Variants in NFATC2 observed in about 807,000 individuals in gnomAD.
NFATC2 encodes the protein nuclear factor of activated T-cells, cytoplasmic 2.
In NFATC2, 22 loss-of-function variants were observed where a neutral mutation model predicts 87.3. The ratio of observed to expected loss-of-function variants is 0.25; its 90% CI spans 0.18 to 0.36. NFATC2 has a LOEUF of 0.36. Ranked by LOEUF, NFATC2 falls within the 10% of genes least tolerant of loss-of-function variation. NFATC2 has a pLI of 1.00. For synonymous variants in NFATC2, 565 were observed against 542.2 expected, an observed-to-expected ratio of 1.04 and a Z score of -0.58; for missense variants, 1,149 against 1,259.1, an observed-to-expected ratio of 0.91 and a Z score of 1.32.
chr20:51,513,676 C>A (rs2076306961), intron 3 of NFATC2, among the ~76,000 whole-genome samples: 1 of 152,224 alleles, frequency 6.6e-6, no homozygotes, highest in Non-Finnish European at 1.5e-5. Flanking sequence ...CTGAGCCTCA[C>A]TCCTCATGCA....
Position 51,524,703 on chromosome 20 carries a change from A to G in NFATC2, c.131-593T>C, listed in dbSNP as rs2076515116. On this transcript the variant is annotated intron_variant, in intron 1 of 10. Transcript: ENST00000371564. This position sits in a 1 kb window ranked among gnomAD's most constrained non-coding sequence, Gnocchi z 4.0. ...ACAGTGCCCTGGGCTTCAATCCCAG[A>G]TTTCACACCAAGTACAAGAAGTGGC... 6.6e-6 allele frequency among the ~76,000 whole-genome samples: 1 copy of G among 152,098 alleles called. No homozygotes were observed. The highest frequency in any genetic ancestry group is 1.5e-5 in the Non-Finnish European group (1 of 68,026).
chr20:51,410,230 C>T (rs116810009), intron 9 of NFATC2, among the ~76,000 whole-genome samples: 4,040 of 113,776 alleles, frequency 0.036, 200 homozygotes, highest in African/African-American at 0.13. Flanking sequence ...AAAAAAAAAG[C>T]GAAATATTAG....
At chr20:51,474,292 C>A in intron 4 of NFATC2, 140 bp from the exon 5 acceptor site, 1 of 978,362 alleles carries the variant, frequency 1.0e-6, no homozygotes, top group East Asian at 2.6e-5. Flanking sequence ...GGAATGTATA[C>A]CAAGATGGGG....
At chr20:51,517,718 ACCAGCCTGGCCAACATGGC>A (rs2076376289) in intron 2 of NFATC2, among the ~76,000 whole-genome samples, 1 of 152,038 alleles carries the variant, frequency 6.6e-6, no homozygotes, top group East Asian at 1.9e-4. Flanking sequence ...GGAGTTCGAG[ACCAGCCTGGCCAACATGGC>A]GAAACCCTGT....
At chr20:51,408,664 T>A (rs1352172761) in intron 9 of NFATC2, among the ~76,000 whole-genome samples, 1 of 152,070 alleles carries the variant, frequency 6.6e-6, no homozygotes, top group Non-Finnish European at 1.5e-5. Flanking sequence ...GAACCTTCCC[T>A]CATACTGGAC....
At chr20:51,426,267 T>C (rs1181076551) in intron 9 of NFATC2, among the ~76,000 whole-genome samples, 1 of 152,080 alleles carries the variant, frequency 6.6e-6, no homozygotes, top group Non-Finnish European at 1.5e-5. Flanking sequence ...TCACCTGAGG[T>C]CAGGAGTTCG....
intron 5 of NFATC2, among the ~76,000 whole-genome samples, chr20:51,473,120 G>A (rs972033152): frequency 6.6e-6 from 1 of 152,170 alleles, no homozygotes; most frequent in Non-Finnish European, 1.5e-5. Flanking sequence ...CCAGGTTTCT[G>A]CTCAGTGTCC....
rs529732294 is a variant in NFATC2 at position 51,524,820 on chromosome 20, G to A, written c.131-710C>T. Among the ~76,000 whole-genome samples, 5 of 152,260 alleles carry A rather than the reference G, an allele frequency of 3.3e-5. No individual in the cohort carries two copies. The highest frequency in any genetic ancestry group is 1.3e-4 in the Admixed American group (2 of 15,302). On this transcript the variant is annotated intron_variant, in intron 1 of 10. Transcript: ENST00000371564. This position sits in a 1 kb window ranked among gnomAD's most constrained non-coding sequence, Gnocchi z 4.0. ...GCCCAGAGCGGGGAAAAGGCCCACC[G>A]AAAGATACGGAATTAGCAGGCTTAA...
intron 1 of NFATC2, among the ~76,000 whole-genome samples, chr20:51,560,523 T>C (rs1473689306): frequency 6.6e-6 from 1 of 152,218 alleles, no homozygotes; most frequent in African/African-American, 2.4e-5. Flanking sequence ...ATTTCTCTTC[T>C]CTATTTAACG....
In NFATC2 at chr20:51,432,498, C is replaced by T. The variant is rs1284536992; in HGVS notation, c.2291G>A (p.Gly764Asp). 3.9e-6 allele frequency: 6 copies of T among 1,555,896 alleles called. No individual in the cohort carries two copies. In the Admixed American group the frequency reaches 5.7e-5, roughly 15 times the overall value. Residue 764 changes from glycine to aspartate, a missense_variant, in exon 9 of 11, where the codon GGC becomes GAC. This residue lies in a region of NFATC2 where 581 missense variants were observed against 649.7 expected (regional missense o/e 0.89). Coordinates refer to ENST00000371564, the MANE Select transcript of NFATC2 (RefSeq NM_012340.5). This position sits in a 1 kb window ranked among gnomAD's most constrained non-coding sequence, Gnocchi z 4.6. ...GGCCATGAGGGCCGGCTGCTGATAG[C>T]CCAGCAGGCTGGGGCTCAGGCTCTT... ...RSKSLSPSLL[G>D]YQQPALMAAP... is the part of the protein sequence containing the mutation.
intron 9 of NFATC2, among the ~76,000 whole-genome samples, chr20:51,408,632 A>G (rs1404250312): frequency 6.6e-6 from 1 of 152,176 alleles, no homozygotes; most frequent in Admixed American, 6.5e-5. Flanking sequence ...CTAGTTATCC[A>G]TACAAAAAAA....
At chr20:51,490,798 T>G (rs1321582846) in intron 3 of NFATC2, among the ~76,000 whole-genome samples, 1 of 152,098 alleles carries the variant, frequency 6.6e-6, no homozygotes, top group Admixed American at 6.5e-5. Context: ...AATAAAATAA[T>G]TATAAATGTT....
rs1441899574 is a variant in NFATC2 at position 51,516,928 on chromosome 20, T to C, written c.1188A>G (p.Pro396=). The C allele has an allele frequency of 6.2e-7, 1 of 1,613,608 alleles. No homozygotes were observed. The highest frequency in any genetic ancestry group is 1.1e-5 in the South Asian group (1 of 91,028). ...ACTGACTGGACAGCGGCCACTCAAGTGGAGGGAGGGATGCAGTCACTGGGA... is the reference window on the plus strand; with the variant it reads ...ACTGACTGGACAGCGGCCACTCAAGCGGAGGGAGGGATGCAGTCACTGGGA... ...CSIPVTASLP[P]LEWPLSSQSG... Residue 396 remains proline (P), a synonymous_variant, in exon 3 of 11, where the codon CCA becomes CCG. Transcript: ENST00000371564.
intron 3 of NFATC2, among the ~76,000 whole-genome samples, chr20:51,501,757 C>G (rs895195283): frequency 3.3e-5 from 5 of 152,174 alleles, no homozygotes; most frequent in Non-Finnish European, 7.3e-5. Context: ...AGAAGCCCAC[C>G]TCCACGAGAG....
chr20:51,543,668 C>T (rs760527165), upstream of NFATC2, among the ~76,000 whole-genome samples: 1 of 152,142 alleles, frequency 6.6e-6, no homozygotes, highest in Non-Finnish European at 1.5e-5. Context: ...CTCCCTGGAG[C>T]TTCTGATTCC....
At chr20:51,487,779 A>C (rs535280526) in intron 3 of NFATC2, among the ~76,000 whole-genome samples, 1 of 151,562 alleles carries the variant, frequency 6.6e-6, no homozygotes, top group African/African-American at 2.4e-5. Context: ...GATTCAGACC[A>C]AAAATTCTGA....
Position 51,524,791 on chromosome 20 carries a change from T to G in NFATC2, c.131-681A>C, listed in dbSNP as rs1411770825. Among the ~76,000 whole-genome samples the G allele has an allele frequency of 6.6e-6, 1 of 152,078 alleles. No homozygotes were observed. Among genetic ancestry groups the G allele is most frequent in the Non-Finnish European group, 1.5e-5 (1 of 68,024 alleles). On this transcript the variant is annotated intron_variant, in intron 1 of 10. Coordinates refer to ENST00000371564, the MANE Select transcript of NFATC2 (RefSeq NM_012340.5). The surrounding 1 kb of genome is among the most constrained non-coding windows in gnomAD (Gnocchi z 4.0). ...TGTGTCATTTTACAAATGAGGAAAC[T>G]GAGGCCCAGAGCGGGGAAAAGGCCC... is the stretch of plus-strand genomic sequence containing the variant.
intron 3 of NFATC2, among the ~76,000 whole-genome samples, chr20:51,493,310 A>G (rs2075929963): frequency 6.6e-6 from 1 of 152,154 alleles, no homozygotes; most frequent in African/African-American, 2.4e-5. Flanking sequence ...CAGTGGCGAC[A>G]CATAGTAAGC....
chr20:51,532,146 C>T (rs981460222), intron 1 of NFATC2, among the ~76,000 whole-genome samples: 7 of 152,184 alleles, frequency 4.6e-5, no homozygotes, highest in Non-Finnish European at 8.8e-5. Context: ...GAGAACTGTA[C>T]GCATCTAGTG....
Sources: gnomAD v4.1 joint callset for allele counts (sites outside exome capture counted in the v4.1 genomes callset) on GRCh38, gnomAD v4.1.1 for gene constraint, gnomAD v4.1.1 regional missense constraint, Gnocchi (gnomAD v3.1) non-coding constraint, MANE v1.5 for transcripts, NCBI Gene and HGNC (gene_info 2026-07-23, HGNC 2026-07-21) for gene names.